The following ACACA variants were observed in gnomAD, a reference collection of about 807,000 sequenced individuals.
ACACA encodes acetyl-CoA carboxylase 1.
In ACACA, 103 loss-of-function variants were observed where a neutral mutation model predicts 296.1. The ratio of observed to expected loss-of-function variants is 0.35; its 90% CI spans 0.30 to 0.41. The LOEUF (loss-of-function observed/expected upper bound fraction) is 0.41, where lower values mean the gene tolerates loss of function less well. Ranked by LOEUF, ACACA falls within the 10% of genes least tolerant of loss-of-function variation. The pLI is 1.00. For missense variants in ACACA, 1,554 were observed against 2,989.7 expected (o/e 0.52, Z 11.20); for synonymous variants, 953 against 1,038.6 (o/e 0.92, Z 1.58).
intron 1 of ACACA, among the ~76,000 whole-genome samples, chr17:37,366,264 TCTAC>T (rs2049596737): frequency 6.6e-6 from 1 of 152,222 alleles, no homozygotes; most frequent in Admixed American, 6.5e-5. Flanking sequence ...TATTTAGGCC[TCTAC>T]CTGTCTTCTA....
intron 3 of ACACA, among the ~76,000 whole-genome samples, chr17:37,301,763 C>T (rs2083629571): frequency 6.6e-6 from 1 of 152,140 alleles, no homozygotes; most frequent in South Asian, 2.1e-4. Flanking sequence ...TTCACATTCC[C>T]TTTTCAAAAG....
chr17:37,334,629 G>A (rs906152034), intron 2 of ACACA, among the ~76,000 whole-genome samples: 1 of 152,126 alleles, frequency 6.6e-6, no homozygotes, highest in Non-Finnish European at 1.5e-5. Flanking sequence ...CTCTTCAAAT[G>A]ACAACCAGGG....
In ACACA at chr17:37,240,625, C is replaced by T. The variant is rs562371485; in HGVS notation, c.3033-61G>A. 1.6e-5 allele frequency: 22 copies of T among 1,419,008 alleles called. No individual in the cohort carries two copies. In the African/African-American group the frequency reaches 2.8e-4, roughly 18 times the overall value. The allele number at this position is 1,419,008 out of a possible 1,614,324, so 87.9% of individuals were successfully genotyped here. ...CAATCCAACACTATTAAGCAATAAA[C>T]CCAAAGGCCAAATTTACCTCCACGA... On this transcript the variant is annotated intron_variant, in intron 23 of 55. Transcript: ENST00000616317.
chr17:37,370,415 G>T (rs1000651024), intron 1 of ACACA, among the ~76,000 whole-genome samples: 7 of 150,620 alleles, frequency 4.6e-5, no homozygotes, highest in Non-Finnish European at 1.0e-4. Flanking sequence ...GGGAGGCCAA[G>T]GCAGGCGGAT....
At chr17:37,273,459 C>T (rs1273053498) in intron 9 of ACACA, among the ~76,000 whole-genome samples, 1 of 152,216 alleles carries the variant, frequency 6.6e-6, no homozygotes, top group Non-Finnish European at 1.5e-5. Flanking sequence ...GGTTCACTCC[C>T]TTGCTCCTCC....
intron 50 of ACACA, among the ~76,000 whole-genome samples, chr17:37,116,592 T>C (rs1318138806): frequency 6.6e-6 from 1 of 152,102 alleles, no homozygotes; most frequent in Non-Finnish European, 1.5e-5. Flanking sequence ...ATATATTGCC[T>C]CCATCTAACT....
At chr17:37,403,368 C>CTTT (rs36037660) in intron 1 of ACACA, among the ~76,000 whole-genome samples, 9 of 112,142 alleles carry the variant, frequency 8.0e-5, no homozygotes, top group Non-Finnish European at 8.8e-5. Context: ...TTTGCCACAT[C>CTTT]TTTTTTTTTT....
At chr17:37,265,018 G>A (rs953387284) in intron 10 of ACACA, among the ~76,000 whole-genome samples, 2 of 152,156 alleles carry the variant, frequency 1.3e-5, no homozygotes, top group East Asian at 1.9e-4. Flanking sequence ...AGCTGGAATC[G>A]TTCATCTCCA....
Position 37,243,434 on chromosome 17 carries a change from CT to C in ACACA, c.2867del (p.Lys956ArgfsTer27). 6.2e-7 allele frequency: 1 copy of C among 1,614,184 alleles called. No homozygotes were observed. Among genetic ancestry groups the C allele is most frequent in the South Asian group, 1.1e-5 (1 of 91,078 alleles). ...TGCTAGCATACTGAGCCATTTCCTT[CT>C]TGATAGACTTCTCCACATTGGGGGG... Reference protein sequence around the residue: ...RIPPNVEKSIKKEMAQYASNI... With the variant: ...RIPPNVEKSIXKEMAQYASNI... On this transcript the variant is annotated frameshift_variant, in exon 22 of 56. Coordinates refer to ENST00000616317, the MANE Select transcript of ACACA (RefSeq NM_198834.3). LOFTEE classifies it high-confidence loss of function.
intron 1 of ACACA, among the ~76,000 whole-genome samples, chr17:37,395,921 G>A (rs1244581163): frequency 6.6e-6 from 1 of 152,100 alleles, no homozygotes; most frequent in Non-Finnish European, 1.5e-5. Context: ...AGTTGCTTAG[G>A]GCAAAGAAGG....
At position 37,200,415 on chromosome 17, in the gene ACACA, A is replaced by G. The variant is rs1221758514; in HGVS notation, c.4113+12T>C. On this transcript the variant is annotated intron_variant, in intron 34 of 55. Transcript: ENST00000616317. ...AAGAAATATTAAAGAGGTACAATTCACATGTCAGTACCTTTTGTGCAACCA... is the reference window on the plus strand; with the variant it reads ...AAGAAATATTAAAGAGGTACAATTCGCATGTCAGTACCTTTTGTGCAACCA... The G allele has an allele frequency of 1.9e-6, 3 of 1,602,064 alleles. No individual in the cohort carries two copies. In the East Asian group the frequency reaches 6.7e-5, roughly 36 times the overall value.
chr17:37,273,366 T>C (rs2082145710), intron 9 of ACACA, among the ~76,000 whole-genome samples: 1 of 152,226 alleles, frequency 6.6e-6, no homozygotes, highest in Admixed American at 6.5e-5. Flanking sequence ...AAAGGTAATG[T>C]TGGGGAAAGG....
At chr17:37,089,233 G>A (rs549266754) in intron 54 of ACACA, among the ~76,000 whole-genome samples, 159 bp from the exon 55 acceptor site, 2 of 152,176 alleles carry the variant, frequency 1.3e-5, no homozygotes, top group African/African-American at 4.8e-5. Context: ...AGTAGGCCTC[G>A]AGGCAGGAGC....
chr17:37,340,964 G>A (rs551865996), intron 1 of ACACA, among the ~76,000 whole-genome samples: 35 of 152,316 alleles, frequency 2.3e-4, no homozygotes, highest in African/African-American at 8.4e-4. Context: ...GGGAGGCTGA[G>A]GCAGAGGTGT....
intron 1 of ACACA, among the ~76,000 whole-genome samples, chr17:37,354,023 G>A (rs79830613): frequency 0.14 from 21,488 of 152,116 alleles, 1,957 homozygotes; most frequent in East Asian, 0.45. Context: ...TGGGAGGATC[G>A]CTTGACTCCA....
At chr17:37,361,980 CAA>C (rs2049420854) in intron 1 of ACACA, among the ~76,000 whole-genome samples, 1 of 152,110 alleles carries the variant, frequency 6.6e-6, no homozygotes, top group Non-Finnish European at 1.5e-5. Flanking sequence ...TATTTGGAGA[CAA>C]AGTCTTTATA....
intron 24 of ACACA, among the ~76,000 whole-genome samples, chr17:37,239,088 C>A (rs1006814212): frequency 6.6e-6 from 1 of 152,188 alleles, no homozygotes; most frequent in Non-Finnish European, 1.5e-5. Flanking sequence ...CCTGGCCTCC[C>A]AAAGTGCTAA....
chr17:37,247,072 A>G, intron 18 of ACACA, 96 bp from the exon 19 acceptor site: 1 of 1,400,010 alleles, frequency 7.1e-7, no homozygotes, highest in South Asian at 1.2e-5. Context: ...AAAAATCCTG[A>G]AAACTTTATT....
rs545382051 is a variant in ACACA, at chr17:37,334,918, T to TTGCA, written c.86-4497_86-4494dup. Among the ~76,000 whole-genome samples the TTGCA allele has an allele frequency of 2.2e-3, 340 of 152,246 alleles. 1 individual carries two copies. The highest frequency in any genetic ancestry group is 3.8e-3 in the Non-Finnish European group (257 of 68,014). On this transcript the variant is annotated intron_variant, in intron 2 of 55. Transcript: ENST00000616317. Reference sequence around the variant, plus strand: ...ACAACTGCTATAACTCTGCCACTCTTTGCATGCATGCAAATACTCATTATT... The same window carrying TTGCA: ...ACAACTGCTATAACTCTGCCACTCTTTGCATGCATGCATGCAAATACTCATTATT...
Sources: gnomAD v4.1 joint callset for allele counts (sites outside exome capture counted in the v4.1 genomes callset) on GRCh38, gnomAD v4.1.1 for gene constraint, MANE v1.5 for transcripts, NCBI Gene and HGNC (gene_info 2026-07-23, HGNC 2026-07-21) for gene names.